Variants in ATP8A2 observed in about 807,000 individuals in gnomAD.
The protein encoded by ATP8A2 is ATPase phospholipid transporting 8A2.
ATP8A2 carries 100 observed loss-of-function variants against 165.6 expected under a neutral mutation model. That is an observed-to-expected ratio of 0.60 (90% CI 0.51 to 0.71). ATP8A2 has a LOEUF of 0.71. Among genes scored for constraint, ATP8A2 ranks in the 30% least tolerant of loss-of-function variants. The probability of loss-of-function intolerance (pLI) is 0.00; values close to 1 mark genes in which losing one functional copy is unlikely to be tolerated. For missense variants in ATP8A2, 1,227 were observed against 1,479.5 expected (o/e 0.83, Z 2.80); for synonymous variants, 543 against 548.8 (o/e 0.99, Z 0.15).
At position 25,811,791 on chromosome 13, in the gene ATP8A2, G is replaced by T. The variant is rs537354538; in HGVS notation, c.2680-16327G>T. 2.0e-5 allele frequency among the ~76,000 whole-genome samples: 3 copies of T among 152,330 alleles called. No individual in the cohort carries two copies. In the East Asian group the frequency reaches 5.8e-4, roughly 29 times the overall value. ...CAGGAGGATCACTTGAGCCTAGGAA[G>T]TTGAAGTTGCAGTAAGCAATGATTG... On this transcript the variant is annotated intron_variant, in intron 27 of 36. Transcript: ENST00000381655.
At chr13:25,445,868 C>T (rs1400456602) in intron 1 of ATP8A2, among the ~76,000 whole-genome samples, 1 of 152,058 alleles carries the variant, frequency 6.6e-6, no homozygotes, top group Admixed American at 6.6e-5. Context: ...AGTGAGGGTA[C>T]AAGACAGGCA....
intron 27 of ATP8A2, among the ~76,000 whole-genome samples, chr13:25,796,394 T>G (rs937128494): frequency 2.0e-5 from 3 of 152,196 alleles, no homozygotes; most frequent in Non-Finnish European, 2.9e-5. Flanking sequence ...GGCAGGTGTG[T>G]GTTGTTTATT....
At chr13:25,903,487 C>T (rs1953830477) in intron 33 of ATP8A2, among the ~76,000 whole-genome samples, 1 of 152,222 alleles carries the variant, frequency 6.6e-6, no homozygotes, top group South Asian at 2.1e-4. Context: ...ACCTGAATCA[C>T]TCATGTCATT....
intron 2 of ATP8A2, among the ~76,000 whole-genome samples, chr13:25,480,516 CG>C (rs2036150465): frequency 2.8e-5 from 4 of 143,458 alleles, no homozygotes; most frequent in Admixed American, 2.8e-4. Context: ...ACATCCCAGA[CG>C]GGGCGGCGGG....
intron 10 of ATP8A2, among the ~76,000 whole-genome samples, chr13:25,543,930 C>G (rs192734123): frequency 6.6e-6 from 1 of 152,158 alleles, no homozygotes; most frequent in African/African-American, 2.4e-5. Context: ...ATGTATTTTG[C>G]CAGACACCTT....
intron 36 of ATP8A2, among the ~76,000 whole-genome samples, chr13:26,016,531 G>A (rs150181081): frequency 6.7e-4 from 102 of 152,270 alleles, no homozygotes; most frequent in African/African-American, 2.3e-3. Flanking sequence ...TGGAAAACAA[G>A]ATAAATAAAA....
In ATP8A2 at chr13:25,519,489, A is replaced by G. The variant is rs2037590718; in HGVS notation, c.222-10510A>G. 2.6e-5 allele frequency among the ~76,000 whole-genome samples: 4 copies of G among 152,026 alleles called. No homozygotes were observed. In the South Asian group the frequency reaches 8.3e-4, roughly 32 times the overall value. On this transcript the variant is annotated intron_variant, in intron 2 of 36. Coordinates refer to ENST00000381655, the MANE Select transcript of ATP8A2 (RefSeq NM_016529.6). ...GGCTGGCACACTGCCCTAGTACATA[A>G]TTAGGGCTCAGGAAATATCTATTGC...
intron 6 of ATP8A2, among the ~76,000 whole-genome samples, chr13:25,534,477 G>T (rs761355396): frequency 6.6e-6 from 1 of 152,200 alleles, no homozygotes; most frequent in Non-Finnish European, 1.5e-5. Context: ...AGTGAAGAAT[G>T]ATTTGGATTC....
chr13:25,769,499 T>G (rs1288168087), intron 26 of ATP8A2, among the ~76,000 whole-genome samples: 1 of 152,328 alleles, frequency 6.6e-6, no homozygotes, highest in East Asian at 1.9e-4. Flanking sequence ...TCCTGGCAGA[T>G]AGGTCTCTGA....
At chr13:25,897,075 T>C (rs1415929753) in intron 33 of ATP8A2, among the ~76,000 whole-genome samples, 1 of 152,214 alleles carries the variant, frequency 6.6e-6, no homozygotes, top group Admixed American at 6.5e-5. Context: ...ATCCTGTCAT[T>C]ATGATGTTAG....
intron 1 of ATP8A2, among the ~76,000 whole-genome samples, chr13:25,441,285 A>T (rs2138198702): frequency 1.3e-5 from 2 of 152,312 alleles, no homozygotes; most frequent in South Asian, 2.1e-4. Flanking sequence ...TACTTGGTGA[A>T]AGTCATAACT....
chr13:25,913,730 G>A (rs1247193714), intron 33 of ATP8A2, among the ~76,000 whole-genome samples: 1 of 152,110 alleles, frequency 6.6e-6, no homozygotes, highest in Non-Finnish European at 1.5e-5. Flanking sequence ...TTAAAAAATG[G>A]TGAAAAGCAG....
intron 28 of ATP8A2, among the ~76,000 whole-genome samples, chr13:25,829,288 A>T (rs946064413): frequency 1.3e-5 from 2 of 152,046 alleles, no homozygotes; most frequent in Non-Finnish European, 2.9e-5. Flanking sequence ...TCACTAGCAC[A>T]TTTCCTCCTG....
chr13:25,677,379 A>G (rs1035972801), intron 24 of ATP8A2, among the ~76,000 whole-genome samples: 2 of 152,174 alleles, frequency 1.3e-5, no homozygotes, highest in Non-Finnish European at 2.9e-5. Flanking sequence ...TTTAAATGTG[A>G]ACTCTTTAGC....
At chr13:25,922,510 A>C (rs1008408333) in intron 33 of ATP8A2, among the ~76,000 whole-genome samples, 5 of 152,224 alleles carry the variant, frequency 3.3e-5, no homozygotes, top group Non-Finnish European at 5.9e-5. Context: ...AGATGACAGA[A>C]AGGGACATCT....
At chr13:25,885,961 G>A (rs1953137914) in intron 33 of ATP8A2, among the ~76,000 whole-genome samples, 1 of 152,194 alleles carries the variant, frequency 6.6e-6, no homozygotes, top group African/African-American at 2.4e-5. Context: ...ATTCTAGAGA[G>A]AATTTCGGTG....
intron 24 of ATP8A2, among the ~76,000 whole-genome samples, chr13:25,679,072 C>T (rs2042430483): frequency 6.6e-6 from 1 of 152,050 alleles, no homozygotes; most frequent in Non-Finnish European, 1.5e-5. Context: ...TTTAAAATTA[C>T]ACTTGGAAAC....
At chr13:25,672,063 A>G (rs2042276529) in intron 24 of ATP8A2, among the ~76,000 whole-genome samples, 1 of 152,226 alleles carries the variant, frequency 6.6e-6, no homozygotes, top group African/African-American at 2.4e-5. Flanking sequence ...ATATCGGGGC[A>G]GGTTCCCCAA....
chr13:25,760,504 C>T (rs981172003), intron 25 of ATP8A2, among the ~76,000 whole-genome samples: 1 of 151,994 alleles, frequency 6.6e-6, no homozygotes, highest in South Asian at 2.1e-4. Flanking sequence ...TAACATCCAA[C>T]GTAAGAGGTG....
Sources: gnomAD v4.1 joint callset for allele counts (sites outside exome capture counted in the v4.1 genomes callset) on GRCh38, gnomAD v4.1.1 for gene constraint, MANE v1.5 for transcripts, NCBI Gene and HGNC (gene_info 2026-07-23, HGNC 2026-07-21) for gene names.